Variants in IGF2BP3 observed in about 807,000 individuals in gnomAD.
IGF2BP3 encodes the protein insulin like growth factor 2 mRNA binding protein 3.
In IGF2BP3, 9 loss-of-function variants were observed where a neutral mutation model predicts 73.8. The observed-to-expected ratio is 0.12, with a 90% CI of 0.07 to 0.21. IGF2BP3 has a LOEUF of 0.21. Ranked by LOEUF, IGF2BP3 falls within the 10% of genes least tolerant of loss-of-function variation. IGF2BP3 has a pLI of 1.00. For synonymous variants in IGF2BP3, 258 were observed against 256.7 expected (o/e 1.01, Z -0.05); for missense variants, 542 against 714.0 (o/e 0.76, Z 2.75).
intron 2 of IGF2BP3, among the ~76,000 whole-genome samples, chr7:23,461,597 C>T (rs1270175021): frequency 6.6e-6 from 1 of 152,212 alleles, no homozygotes; most frequent in Non-Finnish European, 1.5e-5. Context: ...GCTAATCCAT[C>T]AGCAAATCCT....
At chr7:23,364,547 C>CA (rs34795303) in intron 3 of IGF2BP3, among the ~76,000 whole-genome samples, 1,118 of 39,872 alleles carry the variant, frequency 0.028, 25 homozygotes, top group Middle Eastern at 0.042. Flanking sequence ...GACTTTGTGT[C>CA]AAAAAAAAAA....
At chr7:23,390,535 T>C (rs750869576) in intron 3 of IGF2BP3, among the ~76,000 whole-genome samples, 2 of 152,206 alleles carry the variant, frequency 1.3e-5, no homozygotes, top group Non-Finnish European at 2.9e-5. Context: ...TAGGAGTAGC[T>C]GGTGGGAAGA....
chr7:23,325,608 TTG>T (rs1784273322), intron 10 of IGF2BP3, among the ~76,000 whole-genome samples: 1 of 152,212 alleles, frequency 6.6e-6, no homozygotes, highest in Non-Finnish European at 1.5e-5. Flanking sequence ...AGAGCCCGCA[TTG>T]CCAAGTCAAT....
chr7:23,443,449 C>A (rs1480119612), intron 2 of IGF2BP3, among the ~76,000 whole-genome samples: 1 of 151,762 alleles, frequency 6.6e-6, no homozygotes, highest in Non-Finnish European at 1.5e-5. Context: ...TTAGTAGAGA[C>A]GGGGTTTCGC....
At chr7:23,367,864 G>A (rs1357697543) in intron 3 of IGF2BP3, among the ~76,000 whole-genome samples, 1 of 152,092 alleles carries the variant, frequency 6.6e-6, no homozygotes, top group Non-Finnish European at 1.5e-5. Context: ...AGCTGGACAT[G>A]GTGGCACGCA....
intron 3 of IGF2BP3, chr7:23,405,049 T>C (rs549832874): frequency 3.9e-5 from 6 of 152,224 alleles, no homozygotes; most frequent in South Asian, 2.1e-4. Flanking sequence ...CATGGAAAAA[T>C]TGAACACGCA....
chr7:23,446,683 G>C (rs1788073874), intron 2 of IGF2BP3, among the ~76,000 whole-genome samples: 1 of 152,146 alleles, frequency 6.6e-6, no homozygotes, highest in East Asian at 1.9e-4. Context: ...TAAAATTAGT[G>C]AAAGTATTGA....
chr7:23,456,831 C>T (rs114828739), intron 2 of IGF2BP3, among the ~76,000 whole-genome samples: 2,429 of 152,268 alleles, frequency 0.016, 76 homozygotes, highest in African/African-American at 0.055. Context: ...GAGGGGATCA[C>T]GAGGTCGAGA....
At chr7:23,362,339 T>TC in intron 3 of IGF2BP3, among the ~76,000 whole-genome samples, 1 of 152,232 alleles carries the variant, frequency 6.6e-6, no homozygotes. Flanking sequence ...ACAGCTCGAA[T>TC]GGTTCTTACA....
Position 23,351,410 on chromosome 7 carries a change from G to T in IGF2BP3, c.578C>A (p.Pro193Gln). Residue 193 changes from proline (P) to glutamine (Q), a missense_variant, in exon 6 of 15, where the codon CCA (proline) becomes CAA (glutamine). Pro to Gln is a moderately conservative substitution (Grantham distance 76, BLOSUM62 -1). Transcript: ENST00000258729. ...CAGCAGGCGCAGAGGCAAATCACAT[G>T]GTTTCTGCTTGGATACGGATCCTGG... ...GSPGSVSKQKPCDLPLRLLVP... is the reference protein window; with the variant it reads ...GSPGSVSKQKQCDLPLRLLVP... The T allele has an allele frequency of 6.2e-7, 1 of 1,613,774 alleles. No individual in the cohort carries two copies. The highest frequency in any genetic ancestry group is 1.1e-5 in the South Asian group (1 of 91,044).
intron 10 of IGF2BP3, among the ~76,000 whole-genome samples, chr7:23,328,947 T>G (rs942996563): frequency 2.0e-5 from 3 of 152,078 alleles, no homozygotes; most frequent in Admixed American, 6.6e-5. Context: ...CGGTGGCTCA[T>G]GCCTGTAATC....
intron 3 of IGF2BP3, among the ~76,000 whole-genome samples, chr7:23,388,757 T>C (rs563803594): frequency 3.9e-5 from 6 of 152,176 alleles, no homozygotes; most frequent in Admixed American, 6.5e-5. Context: ...CAAATGTCTT[T>C]AGTTTAAAAT....
Position 23,470,352 on chromosome 7 carries a change from G to A in IGF2BP3, c.-242C>T. 2 of 308,170 alleles carry A rather than the reference G, an allele frequency of 6.5e-6. No individual in the cohort carries two copies. Among genetic ancestry groups the A allele is most frequent in the Non-Finnish European group, 5.9e-6 (1 of 168,610 alleles). 19.1% of individuals were successfully genotyped at this position (308,170 alleles called of 1,614,324 possible). A position where few individuals can be genotyped will look rare whatever the true frequency, so the allele number is the denominator to read the frequency against. On this transcript the variant is annotated 5_prime_UTR_variant, in exon 1 of 15. Transcript: ENST00000258729. ...GAAAAAGCCTAGCTACAACCCAAAC[G>A]CATCCACCAGTCTTCCTAAGTCTTA...
intron 2 of IGF2BP3, among the ~76,000 whole-genome samples, chr7:23,466,766 G>C (rs1788575682): frequency 6.6e-6 from 1 of 152,186 alleles, no homozygotes; most frequent in African/African-American, 2.4e-5. Flanking sequence ...GTTAGCAAAA[G>C]AAAAGCAGCA....
At chr7:23,365,930 T>G (rs1260157571) in intron 3 of IGF2BP3, 1 of 152,272 alleles carries the variant, frequency 6.6e-6, no homozygotes, top group African/African-American at 2.4e-5. Flanking sequence ...TATGTACCTG[T>G]TACCACTTTC....
chr7:23,402,313 T>C (rs990637122), intron 3 of IGF2BP3: 2 of 152,242 alleles, frequency 1.3e-5, no homozygotes, highest in African/African-American at 4.8e-5. Flanking sequence ...CATGACTTCC[T>C]ATCCGTAAGT....
At chr7:23,385,603 A>T (rs1033287484) in intron 3 of IGF2BP3, among the ~76,000 whole-genome samples, 1 of 150,012 alleles carries the variant, frequency 6.7e-6, no homozygotes, top group Non-Finnish European at 1.5e-5. Flanking sequence ...TCTTCAACCA[A>T]TGGGGTAGGG....
chr7:23,355,584 G>A lies in IGF2BP3; in HGVS notation c.402-3998C>T, dbSNP rs1047574116. Among the ~76,000 whole-genome samples the A allele has an allele frequency of 6.6e-5, 10 of 151,960 alleles. 1 individual carries two copies. The highest frequency in any genetic ancestry group is 6.2e-4 in the South Asian group (3 of 4,804). On this transcript the variant is annotated intron_variant, in intron 5 of 14. Coordinates refer to ENST00000258729, the MANE Select transcript of IGF2BP3 (RefSeq NM_006547.3). ...TGCTCTTGGTGCTATTTTAAGGGTC[G>A]CTGAGAAGATGATGAGTAATTTTGC...
intron 3 of IGF2BP3, among the ~76,000 whole-genome samples, chr7:23,389,726 G>A (rs1393607631): frequency 6.6e-6 from 1 of 151,350 alleles, no homozygotes; most frequent in Non-Finnish European, 1.5e-5. Flanking sequence ...GGGTGTGGTA[G>A]CTCATGCTCA....
Sources: allele counts gnomAD v4.1 joint callset (sites outside exome capture counted in the v4.1 genomes callset), GRCh38; gene constraint gnomAD v4.1.1; transcripts MANE v1.5; gene names NCBI Gene and HGNC (gene_info 2026-07-23, HGNC 2026-07-21).